TRAF3IP3: variants seen among roughly 807,000 people sequenced by gnomAD.
TRAF3IP3 encodes the protein TRAF3-interacting JNK-activating modulator.
Under a neutral mutation model 86.5 loss-of-function variants are expected in TRAF3IP3, and 64 were observed. The ratio of observed to expected loss-of-function variants is 0.74; its 90% CI spans 0.60 to 0.91. The LOEUF is 0.91. Among genes scored for constraint, TRAF3IP3 ranks in the 40% least tolerant of loss-of-function variants. The pLI, the probability that TRAF3IP3 is intolerant of heterozygous loss-of-function variation, is 0.00. For missense variants in TRAF3IP3, 579 were observed against 642.9 expected (o/e 0.90, Z 1.07); for synonymous variants, 220 against 243.9 (o/e 0.90, Z 0.91).
chr1:209,775,549 G>C (rs1253847590), intron 10 of TRAF3IP3, 50 bp from the exon 11 acceptor site: 1 of 1,614,172 alleles, frequency 6.2e-7, no homozygotes, highest in Admixed American at 1.7e-5. Flanking sequence ...GGAACAAGGG[G>C]AGCCAGCTGC....
intron 1 of TRAF3IP3, among the ~76,000 whole-genome samples, chr1:209,756,935 C>G (rs543526860): frequency 6.6e-6 from 1 of 152,304 alleles, no homozygotes; most frequent in East Asian, 1.9e-4. Context: ...AGGGGGGAAC[C>G]TGAGAGATGC....
chr1:209,764,562 C>T (rs1040297599), intron 8 of TRAF3IP3, among the ~76,000 whole-genome samples: 1 of 151,822 alleles, frequency 6.6e-6, no homozygotes, highest in East Asian at 2.0e-4. Flanking sequence ...GCCAACATGG[C>T]GAAACCCCGT....
In TRAF3IP3 at chr1:209,762,593, C is replaced by T. The variant is rs770835639; in HGVS notation, c.424C>T (p.Leu142Phe). Residue 142 changes from leucine to phenylalanine, a missense_variant, in exon 4 of 17, where the codon CTC becomes TTC. Physicochemically the swap from Leu to Phe is conservative, Grantham distance 22 (BLOSUM62 0). Coordinates refer to ENST00000367025, the MANE Select transcript of TRAF3IP3 (RefSeq NM_025228.4). ...SGICRDLSDH[L>F]SSQAGGLPPQ... ...CATCTGCAGGGATCTGTCTGACCAC[C>T]TCTCCTCACAGGCTGGGGGCCTTCC... 2.0e-6 allele frequency: 3 copies of T among 1,514,886 alleles called. No homozygotes were observed. The highest frequency in any genetic ancestry group is 1.8e-6 in the Non-Finnish European group (2 of 1,134,292). 93.8% of individuals were successfully genotyped at this position (1,514,886 alleles called of 1,614,324 possible).
Position 209,770,741 on chromosome 1 carries a change from G to A in TRAF3IP3, c.703-2207G>A, listed in dbSNP as rs372304592. ...TGGAGGTGTGCGTGTGCAGGTGGAG[G>A]TGTGCGTGTGCAGGTGGAGGTGTGC... On this transcript the variant is annotated intron_variant, in intron 8 of 16. Coordinates refer to ENST00000367025, the MANE Select transcript of TRAF3IP3 (RefSeq NM_025228.4). 5.0e-3 allele frequency among the ~76,000 whole-genome samples: 723 copies of A among 144,148 alleles called. 6 individuals carry two copies. The highest frequency in any genetic ancestry group is 0.018 in the African/African-American group (690 of 38,040). 94.6% of individuals were successfully genotyped at this position (144,148 alleles called of 152,430 possible).
chr1:209,766,971 T>C (rs994004376), intron 8 of TRAF3IP3, among the ~76,000 whole-genome samples: 2 of 152,042 alleles, frequency 1.3e-5, no homozygotes, highest in African/African-American at 4.8e-5. Flanking sequence ...AAGCAGAAAG[T>C]AGAAGAGTGT....
Position 209,781,978 on chromosome 1 carries a change from G to T in TRAF3IP3, c.1564-78G>T, listed in dbSNP as rs1197606398. 5 of 1,220,012 alleles carry T rather than the reference G, an allele frequency of 4.1e-6. No individual in the cohort carries two copies. In the South Asian group the frequency reaches 6.1e-5, roughly 15 times the overall value. The allele number at this position is 1,220,012 out of a possible 1,614,324, so 75.6% of individuals were successfully genotyped here. ...CAGCGTTTTCCACTGGGCTAGAGTA[G>T]GAAGAAGAAAGATTTTTGCCTATAT... On this transcript the variant is annotated intron_variant, in intron 16 of 16. Coordinates refer to ENST00000367025, the MANE Select transcript of TRAF3IP3 (RefSeq NM_025228.4).
At chr1:209,780,389 C>T in intron 14 of TRAF3IP3, 81 bp from the exon 15 acceptor site, 10 of 1,326,626 alleles carry the variant, frequency 7.5e-6, no homozygotes, top group East Asian at 5.5e-5. Context: ...CCCCTCTCCC[C>T]ACTCCTAGTG....
intron 9 of TRAF3IP3, among the ~76,000 whole-genome samples, chr1:209,774,094 T>C (rs2077602653): frequency 6.6e-6 from 1 of 152,212 alleles, no homozygotes; most frequent in South Asian, 2.1e-4. Context: ...GCTTACACAG[T>C]AGGTAATCCA....
rs754038975 is a variant in TRAF3IP3, at chr1:209,760,066, C to G, written c.27C>G (p.Ser9=). MISPDPRP[S]PGLARWAESY... is the part of the protein sequence containing the mutation. The stretch of plus-strand genomic sequence containing the variant: ...TGATCAGCCCAGACCCCAGGCCCTC[C>G]CCTGGCTTGGCCCGGTGGGCTGAGA... Residue 9 remains serine (S), a synonymous_variant, in exon 3 of 17, where the codon TCC becomes TCG. Coordinates refer to ENST00000367025, the MANE Select transcript of TRAF3IP3 (RefSeq NM_025228.4). 1 of 1,614,022 alleles carries G rather than the reference C, an allele frequency of 6.2e-7. No homozygotes were observed. The highest frequency in any genetic ancestry group is 2.2e-5 in the East Asian group (1 of 44,876).
In TRAF3IP3 at chr1:209,769,652, G is replaced by A. The variant is rs1014864371; in HGVS notation, c.703-3296G>A. ...AGATACCACTTCCTGCCTCTCCCAG[G>A]CACCCTGAAACTCACTGAGGGAGGC... On this transcript the variant is annotated intron_variant, in intron 8 of 16. Transcript: ENST00000367025. Among the ~76,000 whole-genome samples, 6 of 152,290 alleles carry A rather than the reference G, an allele frequency of 3.9e-5. 1 individual carries two copies. The East Asian group carries it at 1.2e-3, about 29-fold the overall frequency.
chr1:209,772,910 T>C, intron 8 of TRAF3IP3, 38 bp from the exon 9 acceptor site: 1 of 1,576,834 alleles, frequency 6.3e-7, no homozygotes, highest in Non-Finnish European at 8.7e-7. Context: ...CAGACTAGAT[T>C]TTGCCCCAAG....
At position 209,781,424 on chromosome 1, in the gene TRAF3IP3, A is replaced by G. The variant is rs777410653; in HGVS notation, c.1529A>G (p.Glu510Gly). The G allele has an allele frequency of 6.2e-7, 1 of 1,613,502 alleles. No individual in the cohort carries two copies. The highest frequency in any genetic ancestry group is 1.3e-5 in the African/African-American group (1 of 75,048). ...SCLRKLQHCR[E>G]ELNQSQQLPP... is the part of the protein sequence containing the mutation. ...CTGCGTAAGCTGCAGCACTGTCGAG[A>G]AGAGCTGAACCAGAGCCAGCAGCTG... The change falls in exon 16 of 17, where the codon GAA (glutamate) becomes GGA (glycine). Residue 510 changes from glutamate to glycine, a missense_variant. Physicochemically the swap from Glu to Gly is moderately conservative, Grantham distance 98. Coordinates refer to ENST00000367025, the MANE Select transcript of TRAF3IP3 (RefSeq NM_025228.4).
At chr1:209,781,118 G>A (rs927862154) in intron 15 of TRAF3IP3, 2 of 278,870 alleles carry the variant, frequency 7.2e-6, no homozygotes, top group African/African-American at 2.2e-5. Flanking sequence ...GAACTTAAAT[G>A]TATAAAATGT....
intron 12 of TRAF3IP3, 43 bp downstream of exon 12, chr1:209,777,530 C>A (rs766984662): frequency 6.6e-6 from 10 of 1,511,538 alleles, no homozygotes; most frequent in Non-Finnish European, 8.0e-6. Context: ...GCAGCCATGG[C>A]CAAGTGAGCT....
At chr1:209,762,482 A>T in intron 3 of TRAF3IP3, 33 bp from the exon 4 acceptor site, 1 of 1,439,722 alleles carries the variant, frequency 6.9e-7, no homozygotes, top group Non-Finnish European at 9.2e-7. Context: ...GGCTCCAGGC[A>T]GTGGTTTTCA....
At chr1:209,771,792 C>T (rs2077540605) in intron 8 of TRAF3IP3, among the ~76,000 whole-genome samples, 1 of 95,604 alleles carries the variant, frequency 1.0e-5, no homozygotes, top group African/African-American at 3.9e-5. Flanking sequence ...TGTGCGTGTG[C>T]ATATGCAGGT....
intron 8 of TRAF3IP3, among the ~76,000 whole-genome samples, chr1:209,770,689 G>A (rs1368872671): frequency 6.9e-6 from 1 of 145,156 alleles, no homozygotes; most frequent in Non-Finnish European, 1.5e-5. Context: ...AGGTGTGTGT[G>A]TGCATGTGGA....
At chr1:209,775,977 AC>A (rs1266361789) in intron 11 of TRAF3IP3, 2 of 403,824 alleles carry the variant, frequency 5.0e-6, no homozygotes, top group East Asian at 8.0e-5. Context: ...TGACACCATC[AC>A]CACCCAAATG....
At chr1:209,776,926 C>T (rs2077666540) in intron 11 of TRAF3IP3, 2 of 152,602 alleles carry the variant, frequency 1.3e-5, no homozygotes, top group Admixed American at 1.3e-4. Flanking sequence ...TAAACTTACA[C>T]TGCACATGCC....
Sources: allele counts gnomAD v4.1 joint callset (sites outside exome capture counted in the v4.1 genomes callset), GRCh38; gene constraint gnomAD v4.1.1; transcripts MANE v1.5; gene names NCBI Gene and HGNC (gene_info 2026-07-23, HGNC 2026-07-21).